Variants in SORCS2 observed in about 807,000 individuals in gnomAD.
The protein encoded by SORCS2 is sortilin related VPS10 domain containing receptor 2, also known as VPS10 domain-containing receptor SorCS2.
SORCS2 carries 100 observed loss-of-function variants against 141.6 expected under a neutral mutation model. That is an observed-to-expected ratio of 0.71 (90% CI 0.60 to 0.83). The LOEUF (loss-of-function observed/expected upper bound fraction) is 0.83. Ranked by LOEUF, SORCS2 falls within the 40% of genes least tolerant of loss-of-function variation. SORCS2 has a pLI of 0.00. For synonymous variants in SORCS2, 789 were observed against 676.9 expected (o/e 1.17, Z -2.57); for missense variants, 1,646 against 1,560.2 (o/e 1.05, Z -0.93).
chr4:7,659,497 G>A (rs1198103923), intron 5 of SORCS2, among the ~76,000 whole-genome samples: 1 of 151,980 alleles, frequency 6.6e-6, no homozygotes, highest in Non-Finnish European at 1.5e-5. Context: ...CTGTGAGCCA[G>A]GTGGTGAATG....
chr4:7,564,642 G>A (rs972716421), intron 3 of SORCS2, among the ~76,000 whole-genome samples: 3 of 152,194 alleles, frequency 2.0e-5, no homozygotes, highest in Admixed American at 1.3e-4. Context: ...AGCTGGGCCC[G>A]AGCTCACCAG....
chr4:7,685,846 A>G (rs958849831), intron 10 of SORCS2, among the ~76,000 whole-genome samples: 1 of 152,162 alleles, frequency 6.6e-6, no homozygotes, highest in African/African-American at 2.4e-5. Flanking sequence ...CAGCCTCTCA[A>G]TGAATGGGCA....
intron 2 of SORCS2, among the ~76,000 whole-genome samples, chr4:7,455,525 C>T (rs1314262910): frequency 6.3e-5 from 8 of 127,592 alleles, no homozygotes; most frequent in East Asian, 2.4e-4. Flanking sequence ...GGTCAGCCTC[C>T]GTGTTAGTGT....
At chr4:7,426,878 G>C (rs11947343) in intron 2 of SORCS2, among the ~76,000 whole-genome samples, 23,637 of 152,176 alleles carry the variant, frequency 0.16, 2,056 homozygotes, top group African/African-American at 0.22. Flanking sequence ...CATCTGCTCC[G>C]GCAATGCCCA....
chr4:7,637,635 G>A (rs1241572326), intron 3 of SORCS2, among the ~76,000 whole-genome samples: 2 of 152,186 alleles, frequency 1.3e-5, no homozygotes, highest in Non-Finnish European at 2.9e-5. Context: ...GGGTTTGGGA[G>A]GAAGCTGCCA....
intron 1 of SORCS2, among the ~76,000 whole-genome samples, chr4:7,284,786 C>T (rs1431424444): frequency 7.2e-5 from 11 of 152,188 alleles, no homozygotes; most frequent in Non-Finnish European, 1.3e-4. Context: ...CTCTCACAGT[C>T]CAGGGGGCCA....
chr4:7,402,452 A>G (rs1577505036), intron 2 of SORCS2, among the ~76,000 whole-genome samples: 2 of 152,336 alleles, frequency 1.3e-5, no homozygotes, highest in South Asian at 4.1e-4. Flanking sequence ...GAATGGCATT[A>G]CTTTGCCTTT....
rs139306538 is a variant in SORCS2 at position 7,680,350 on chromosome 4, C to T, written c.1342-2393C>T. ...CAGCTCCTCTCCTGCAGACCAAGGC[C>T]AGAGTCTGGGGAGAACTCGAGACCC... On this transcript the variant is annotated intron_variant, in intron 9 of 26. Coordinates refer to ENST00000507866, the MANE Select transcript of SORCS2 (RefSeq NM_020777.3). Among the ~76,000 whole-genome samples the T allele has an allele frequency of 2.2e-3, 328 of 152,364 alleles. 1 individual carries two copies. Among genetic ancestry groups the T allele is most frequent in the African/African-American group, 7.1e-3 (297 of 41,588 alleles).
chr4:7,512,483 G>T (rs948392720), intron 2 of SORCS2, among the ~76,000 whole-genome samples: 7 of 151,974 alleles, frequency 4.6e-5, no homozygotes, highest in African/African-American at 1.7e-4. Flanking sequence ...TCCCTAGAGG[G>T]CTGGGGTGGC....
intron 1 of SORCS2, among the ~76,000 whole-genome samples, chr4:7,309,237 T>C (rs1718030874): frequency 6.6e-6 from 1 of 152,184 alleles, no homozygotes; most frequent in Non-Finnish European, 1.5e-5. Context: ...GGTTAAGTGA[T>C]TGGCCCTCGG....
At chr4:7,262,087 CA>C (rs1050898369) in intron 1 of SORCS2, among the ~76,000 whole-genome samples, 20 of 152,132 alleles carry the variant, frequency 1.3e-4, no homozygotes, top group African/African-American at 4.6e-4. Flanking sequence ...GGCATTCATA[CA>C]GGGGGAAGAT....
intron 1 of SORCS2, among the ~76,000 whole-genome samples, chr4:7,323,074 C>T (rs950537793): frequency 1.4e-4 from 21 of 152,168 alleles, no homozygotes; most frequent in South Asian, 2.1e-4. Context: ...TGCATTATTA[C>T]ATAAGTATCA....
chr4:7,734,280 C>T lies in SORCS2; in HGVS notation c.3217C>T (p.Gln1073Ter), dbSNP rs1253857359. The T allele has an allele frequency of 6.3e-7, 1 of 1,599,474 alleles. No homozygotes were observed. Among genetic ancestry groups the T allele is most frequent in the Non-Finnish European group, 8.5e-7 (1 of 1,174,152 alleles). Residue 1073 changes from glutamine (Q) to a stop codon, truncating the protein, a stop_gained, in exon 25 of 27, where the codon CAG becomes TAG. Coordinates refer to ENST00000507866, the MANE Select transcript of SORCS2 (RefSeq NM_020777.3). LOFTEE classifies it high-confidence loss of function. The part of the protein sequence containing the change: ...ALRDTGTGAE[Q>*]LGGGGGYWAV... ...AACCGCTTTGCTTGCAGGTGCTGAG[C>T]AGCTGGGCGGCGGTGGCGGCTACTG...
At chr4:7,445,370 G>A (rs1225595913) in intron 2 of SORCS2, among the ~76,000 whole-genome samples, 1 of 152,140 alleles carries the variant, frequency 6.6e-6, no homozygotes, top group Non-Finnish European at 1.5e-5. Context: ...GGGGAGAGCC[G>A]GGTCTGGAGG....
intron 2 of SORCS2, among the ~76,000 whole-genome samples, chr4:7,470,449 C>A (rs1729906024): frequency 6.6e-6 from 1 of 152,346 alleles, no homozygotes; most frequent in Middle Eastern, 3.4e-3. Flanking sequence ...ATCCATTCAT[C>A]CAGGTGGGAT....
intron 3 of SORCS2, among the ~76,000 whole-genome samples, chr4:7,632,966 C>T (rs1043280939): frequency 9.9e-5 from 15 of 152,142 alleles, no homozygotes; most frequent in African/African-American, 3.6e-4. Flanking sequence ...GCTCAACAAG[C>T]AGATAACAAG....
At chr4:7,731,320 C>T (rs1474050174) in intron 23 of SORCS2, among the ~76,000 whole-genome samples, 1 of 152,104 alleles carries the variant, frequency 6.6e-6, no homozygotes, top group Non-Finnish European at 1.5e-5. Flanking sequence ...TTGAAGAAGA[C>T]ACAAATCGAC....
intron 2 of SORCS2, among the ~76,000 whole-genome samples, chr4:7,423,413 G>A (rs1308430684): frequency 1.3e-5 from 2 of 152,160 alleles, no homozygotes; most frequent in Non-Finnish European, 2.9e-5. Context: ...GGAAAGCAGG[G>A]GCCGGAGGTT....
At chr4:7,351,681 C>T (rs1560211963) in intron 1 of SORCS2, among the ~76,000 whole-genome samples, 1 of 145,596 alleles carries the variant, frequency 6.9e-6, no homozygotes, top group Non-Finnish European at 1.5e-5. Flanking sequence ...TCTCTTCCAT[C>T]CGTCCATCCA....
Sources: allele counts gnomAD v4.1 joint callset (sites outside exome capture counted in the v4.1 genomes callset), GRCh38; gene constraint gnomAD v4.1.1; transcripts MANE v1.5; gene names NCBI Gene and HGNC (gene_info 2026-07-23, HGNC 2026-07-21).